Variants in NRXN3 observed in about 807,000 individuals in gnomAD.
NRXN3 encodes the protein neurexin III.
A neutral mutation model predicts 137.6 loss-of-function variants in NRXN3; 32 were observed. The observed-to-expected ratio is 0.23, with a 90% confidence interval of 0.18 to 0.31. NRXN3 has a LOEUF of 0.31. NRXN3 is among the 10% of genes least tolerant of loss of function. The pLI, the probability that NRXN3 is intolerant of heterozygous loss-of-function variation, is 1.00. For missense variants in NRXN3, 1,574 were observed against 2,062.5 expected, an observed-to-expected ratio of 0.76 and a Z score of 4.59; for synonymous variants, 798 against 784.5, an observed-to-expected ratio of 1.02 and a Z score of -0.29.
chr14:79,805,071 T>C (rs1001866950), intron 19 of NRXN3, 41 bp from the exon 20 acceptor site: 8 of 1,399,004 alleles, frequency 5.7e-6, no homozygotes, highest in Non-Finnish European at 8.1e-6. Flanking sequence ...CTCTCTTCTC[T>C]CTCTTCCCCT....
chr14:78,243,820 T>C lies in NRXN3; in HGVS notation c.709+18T>C. 1 of 1,536,646 alleles carries C rather than the reference T, an allele frequency of 6.5e-7. No individual in the cohort carries two copies. The highest frequency in any genetic ancestry group is 8.7e-7 in the Non-Finnish European group (1 of 1,147,586). ...CTCAGAAGGTAAGACCCTCTCCCTC[T>C]CTTGCTAGAGACCCACCCACGGGAT... On this transcript the variant is annotated intron_variant, in intron 2 of 20. Transcript: ENST00000335750. This position sits in a 1 kb window ranked among gnomAD's most constrained non-coding sequence, Gnocchi z 4.2.
At position 78,430,196 on chromosome 14, in the gene NRXN3, C is replaced by A. The variant is rs377718962; in HGVS notation, c.757+132336C>A. On this transcript the variant is annotated intron_variant, in intron 4 of 20. Coordinates refer to ENST00000335750, the MANE Select transcript of NRXN3 (RefSeq NM_001330195.2). ...AAGGCTGCAGTGAGCAGTGATCACACCACTGCACTCTAGCCTGGGTGACAG... is the reference window on the plus strand; with the variant it reads ...AAGGCTGCAGTGAGCAGTGATCACAACACTGCACTCTAGCCTGGGTGACAG... 2.0e-5 allele frequency among the ~76,000 whole-genome samples: 3 copies of A among 152,344 alleles called. No homozygotes were observed. The East Asian group carries it at 5.8e-4, about 29-fold the overall frequency.
rs578171631 is a variant in NRXN3, at chr14:78,933,084, C to T, written c.2276-24158C>T. Reference sequence around the variant, plus strand: ...CTTCATGAGCTGATGATGCCCAATGCTTGTCTCACATGGCAGGTCTCACTT... The same window carrying T: ...CTTCATGAGCTGATGATGCCCAATGTTTGTCTCACATGGCAGGTCTCACTT... On this transcript the variant is annotated intron_variant, in intron 10 of 20. Transcript: ENST00000335750. Among the ~76,000 whole-genome samples the T allele has an allele frequency of 3.9e-5, 6 of 152,228 alleles. No individual in the cohort carries two copies. In the South Asian group the frequency reaches 1.2e-3, roughly 32 times the overall value.
intron 4 of NRXN3, among the ~76,000 whole-genome samples, chr14:78,520,083 C>T (rs1287372589): frequency 6.6e-6 from 1 of 152,156 alleles, no homozygotes; most frequent in Admixed American, 6.5e-5. Context: ...TCAAGCCTTC[C>T]TATCTATCTG....
chr14:78,521,146 C>G (rs990598934), intron 4 of NRXN3, among the ~76,000 whole-genome samples: 3 of 152,082 alleles, frequency 2.0e-5, no homozygotes, highest in African/African-American at 7.2e-5. Context: ...CCTTTGTGTA[C>G]TCTGTCTGTC....
intron 15 of NRXN3, among the ~76,000 whole-genome samples, chr14:79,047,150 A>G (rs2099634277): frequency 6.6e-6 from 1 of 151,574 alleles, no homozygotes; most frequent in African/African-American, 2.4e-5. Flanking sequence ...CCCCGAAAAA[A>G]AAAAAAAACA....
intron 14 of NRXN3, among the ~76,000 whole-genome samples, chr14:78,976,287 T>G (rs1171985265): frequency 6.6e-6 from 1 of 152,166 alleles, no homozygotes; most frequent in African/African-American, 2.4e-5. Flanking sequence ...AGGTTTTATT[T>G]CTGATGTTTA....
chr14:78,243,177 T>A lies in NRXN3; in HGVS notation c.84T>A (p.Leu28=), dbSNP rs1376692275. The A allele has an allele frequency of 6.5e-7, 1 of 1,544,728 alleles. No individual in the cohort carries two copies. The highest frequency in any genetic ancestry group is 1.9e-5 in the Admixed American group (1 of 52,190). The part of the protein sequence containing the change: ...LGSLLGLCLG[L]EFMGLPNQWA... ...CCCTGCTGGGGCTCTGCCTGGGCCTTGAGTTCATGGGCCTCCCCAACCAGT... is the reference window on the plus strand; with the variant it reads ...CCCTGCTGGGGCTCTGCCTGGGCCTAGAGTTCATGGGCCTCCCCAACCAGT... Residue 28 remains leucine, a synonymous_variant, in exon 2 of 21, where the codon CTT becomes CTA. Transcript: ENST00000335750. This position sits in a 1 kb window ranked among gnomAD's most constrained non-coding sequence, Gnocchi z 4.2.
chr14:79,057,906 G>A (rs1400492048), intron 15 of NRXN3, among the ~76,000 whole-genome samples: 2 of 152,126 alleles, frequency 1.3e-5, no homozygotes, highest in Non-Finnish European at 2.9e-5. Flanking sequence ...TTCTAGTGGA[G>A]TAGAATTTAT....
chr14:79,327,302 C>T (rs1290270542), intron 15 of NRXN3, among the ~76,000 whole-genome samples: 1 of 152,134 alleles, frequency 6.6e-6, no homozygotes, highest in Non-Finnish European at 1.5e-5. Flanking sequence ...AGATTCTCGT[C>T]TTTTCCTTGT....
intron 16 of NRXN3, among the ~76,000 whole-genome samples, chr14:79,575,509 A>G (rs1191654308): frequency 2.0e-5 from 3 of 152,238 alleles, no homozygotes; most frequent in Non-Finnish European, 4.4e-5. Flanking sequence ...TTAACAAAAC[A>G]TAAAAATAAC....
At chr14:78,854,665 A>G (rs1567520981) in intron 10 of NRXN3, among the ~76,000 whole-genome samples, 1 of 152,208 alleles carries the variant, frequency 6.6e-6, no homozygotes, top group Non-Finnish European at 1.5e-5. Flanking sequence ...TCATACAGCT[A>G]CTAAGTGGAA....
chr14:78,765,172 A>C (rs567589685), intron 8 of NRXN3, among the ~76,000 whole-genome samples: 6 of 152,014 alleles, frequency 3.9e-5, no homozygotes, highest in African/African-American at 1.4e-4. Context: ...TGTTTGTTTG[A>C]AATGGAGTTT....
intron 19 of NRXN3, among the ~76,000 whole-genome samples, chr14:79,720,887 T>C (rs1478659394): frequency 6.6e-6 from 1 of 152,126 alleles, no homozygotes; most frequent in Non-Finnish European, 1.5e-5. Flanking sequence ...ATTTTTAATA[T>C]TATTAAAATA....
intron 4 of NRXN3, among the ~76,000 whole-genome samples, chr14:78,467,473 G>A (rs2095142241): frequency 1.3e-5 from 2 of 152,216 alleles, no homozygotes; most frequent in Admixed American, 6.5e-5. Flanking sequence ...TGTGGACGAT[G>A]TGAATATAGT....
At chr14:79,358,775 T>A (rs2093577905) in intron 15 of NRXN3, among the ~76,000 whole-genome samples, 1 of 152,058 alleles carries the variant, frequency 6.6e-6, no homozygotes. Flanking sequence ...CCTATTCTCC[T>A]TGAGGAACTG....
chr14:78,648,832 T>TG (rs142181513), intron 5 of NRXN3, among the ~76,000 whole-genome samples: 2,955 of 152,268 alleles, frequency 0.019, 108 homozygotes, highest in East Asian at 0.18. Context: ...TGGTACCTGT[T>TG]GGGGGGTCTT....
chr14:79,726,944 C>T (rs563543537), intron 19 of NRXN3, among the ~76,000 whole-genome samples: 9 of 152,148 alleles, frequency 5.9e-5, no homozygotes, highest in Admixed American at 2.0e-4. Context: ...GGAGAAGCCA[C>T]GTGCTTTGGC....
intron 15 of NRXN3, among the ~76,000 whole-genome samples, chr14:79,355,253 C>G (rs958708809): frequency 2.7e-5 from 4 of 149,374 alleles, no homozygotes; most frequent in African/African-American, 1.0e-4. Flanking sequence ...TTTTCTGTCC[C>G]CCACCCCCTT....
Sources: gnomAD v4.1 joint callset for allele counts (sites outside exome capture counted in the v4.1 genomes callset) on GRCh38, gnomAD v4.1.1 for gene constraint, Gnocchi (gnomAD v3.1) non-coding constraint, MANE v1.5 for transcripts, NCBI Gene and HGNC (gene_info 2026-07-23, HGNC 2026-07-21) for gene names.